Variants in HMGN3 observed in about 807,000 individuals in gnomAD.
HMGN3 encodes the protein high mobility group nucleosome-binding domain-containing protein 3.
Under a neutral mutation model 18.8 loss-of-function variants are expected in HMGN3, and 6 were observed. The observed-to-expected ratio is 0.32, with a 90% CI of 0.18 to 0.63. The LOEUF (loss-of-function observed/expected upper bound fraction) is 0.63, where lower values mean the gene tolerates loss of function less well. Among genes scored for constraint, HMGN3 ranks in the 30% least tolerant of loss-of-function variants. The pLI, the probability that HMGN3 is intolerant of heterozygous loss-of-function variation, is 0.79. For synonymous variants in HMGN3, 40 were observed against 36.5 expected, an observed-to-expected ratio of 1.10 and a Z score of -0.35; for missense variants, 107 against 114.2, an observed-to-expected ratio of 0.94 and a Z score of 0.29.
chr6:79,229,786 G>A (rs565605383), intron 1 of HMGN3, among the ~76,000 whole-genome samples: 11 of 152,212 alleles, frequency 7.2e-5, no homozygotes, highest in African/African-American at 1.9e-4. Context: ...ACTGAGGCAG[G>A]AGAATGGTGT....
intron 2 of HMGN3, 102 bp downstream of exon 2, chr6:79,214,870 G>A: frequency 1.4e-6 from 1 of 712,672 alleles, no homozygotes; most frequent in East Asian, 2.8e-5. Flanking sequence ...ATTAAACTTT[G>A]TTCATACAAT....
intron 1 of HMGN3, among the ~76,000 whole-genome samples, chr6:79,221,876 C>CTTCATTGGTACATGCAGTACCAA (rs1777302647): frequency 6.7e-6 from 1 of 148,788 alleles, no homozygotes; most frequent in Non-Finnish European, 1.5e-5. Context: ...TCCAAAAAAC[C>CTTCATTGGTACATGCAGTACCAA]TTCATTGGTA....
At chr6:79,213,279 T>A (rs1370350206) in intron 2 of HMGN3, among the ~76,000 whole-genome samples, 1 of 151,878 alleles carries the variant, frequency 6.6e-6, no homozygotes, top group East Asian at 1.9e-4. Flanking sequence ...ATAATATGTA[T>A]AAGACAGCTG....
chr6:79,230,348 T>C (rs934051972), intron 1 of HMGN3, among the ~76,000 whole-genome samples: 2 of 152,142 alleles, frequency 1.3e-5, no homozygotes, highest in African/African-American at 2.4e-5. Context: ...CAAAACTGGA[T>C]TATGACAATG....
intron 2 of HMGN3, among the ~76,000 whole-genome samples, chr6:79,214,358 C>T (rs557699923): frequency 3.9e-5 from 6 of 152,082 alleles, no homozygotes; most frequent in South Asian, 4.2e-4. Context: ...CCCACCACCA[C>T]GCCTGGCTAA....
At chr6:79,217,061 T>C (rs1434407689) in intron 1 of HMGN3, among the ~76,000 whole-genome samples, 1 of 152,218 alleles carries the variant, frequency 6.6e-6, no homozygotes, top group Non-Finnish European at 1.5e-5. Flanking sequence ...CCTAATAATG[T>C]TTGTATGGGA....
chr6:79,217,535 T>C (rs1417624945), intron 1 of HMGN3, among the ~76,000 whole-genome samples: 1 of 152,236 alleles, frequency 6.6e-6, no homozygotes, highest in Non-Finnish European at 1.5e-5. Context: ...AAAAGATCTT[T>C]AGTCTTCTAA....
chr6:79,233,917 C>T (rs1372449801), intron 1 of HMGN3: 1 of 152,682 alleles, frequency 6.5e-6, no homozygotes, highest in African/African-American at 2.4e-5. Flanking sequence ...CGCTCCCGCC[C>T]CGAACTGCGG....
intron 3 of HMGN3, among the ~76,000 whole-genome samples, chr6:79,207,346 C>T (rs565751060): frequency 2.8e-4 from 43 of 152,202 alleles, no homozygotes; most frequent in African/African-American, 8.7e-4. Flanking sequence ...AATTATGGGG[C>T]GGGTCTTTCC....
chr6:79,221,935 A>G (rs1241167056), intron 1 of HMGN3, among the ~76,000 whole-genome samples: 1 of 148,236 alleles, frequency 6.7e-6, no homozygotes, highest in Non-Finnish European at 1.5e-5. Flanking sequence ...GTATTGGTAC[A>G]TGTAGTACAA....
chr6:79,229,555 G>A (rs1777733320), intron 1 of HMGN3, among the ~76,000 whole-genome samples: 1 of 152,174 alleles, frequency 6.6e-6, no homozygotes, highest in African/African-American at 2.4e-5. Flanking sequence ...CATGCACTTT[G>A]GAAAACAGTT....
chr6:79,211,465 G>GTTTTTTT (rs58861121), intron 2 of HMGN3, among the ~76,000 whole-genome samples: 3 of 135,366 alleles, frequency 2.2e-5, no homozygotes, highest in African/African-American at 2.7e-5. Context: ...AATTTCTCTT[G>GTTTTTTT]TTTTTTTTTT....
intron 2 of HMGN3, among the ~76,000 whole-genome samples, chr6:79,212,070 A>C (rs562483663): frequency 6.6e-6 from 1 of 152,140 alleles, no homozygotes; most frequent in Admixed American, 6.5e-5. Flanking sequence ...GCCTAAAAAG[A>C]AATTGCCTTT....
At chr6:79,222,371 GAGA>G (rs1238998932) in intron 1 of HMGN3, among the ~76,000 whole-genome samples, 13 of 152,130 alleles carry the variant, frequency 8.5e-5, no homozygotes, top group African/African-American at 3.1e-4. Context: ...AACACACCAC[GAGA>G]AGGTCTGAAA....
chr6:79,215,202 G>A (rs778480143), intron 1 of HMGN3, among the ~76,000 whole-genome samples, 180 bp from the exon 2 acceptor site: 9 of 152,184 alleles, frequency 5.9e-5, no homozygotes, highest in African/African-American at 9.7e-5. Context: ...GCACACACAC[G>A]GTAGATAGCT....
chr6:79,233,561 T>C (rs1215399529), intron 1 of HMGN3, among the ~76,000 whole-genome samples: 1 of 152,102 alleles, frequency 6.6e-6, no homozygotes, highest in East Asian at 1.9e-4. Flanking sequence ...AGCACTTGCT[T>C]AGGAACCAGC....
intron 5 of HMGN3, 72 bp downstream of exon 6, chr6:79,201,987 TAAAA>T: frequency 8.8e-7 from 1 of 1,140,906 alleles, no homozygotes. Flanking sequence ...TCATAATGAT[TAAAA>T]AAAAAAACCA....
intron 2 of HMGN3, among the ~76,000 whole-genome samples, 173 bp downstream of exon 2, chr6:79,214,799 C>T (rs766727617): frequency 1.4e-4 from 21 of 152,272 alleles, no homozygotes; most frequent in South Asian, 6.2e-4. Flanking sequence ...CTAGGCCAAG[C>T]GAGACTACAT....
At chr6:79,206,815 G>A (rs1259738750) in intron 3 of HMGN3, among the ~76,000 whole-genome samples, 5 of 152,214 alleles carry the variant, frequency 3.3e-5, no homozygotes, top group African/African-American at 1.2e-4. Flanking sequence ...AAGCAGCCAG[G>A]AGGGAAGCTG....
Sources: gnomAD v4.1 joint callset for allele counts (sites outside exome capture counted in the v4.1 genomes callset) on GRCh38, gnomAD v4.1.1 for gene constraint, MANE v1.5 for transcripts, NCBI Gene and HGNC (gene_info 2026-07-23, HGNC 2026-07-21) for gene names.